Variants in CNDP1 observed in about 807,000 individuals in gnomAD.
The protein encoded by CNDP1 is carnosine dipeptidase 1.
Under a neutral mutation model 58.1 loss-of-function variants are expected in CNDP1, and 44 were observed. That is an observed-to-expected ratio of 0.76 (90% CI 0.60 to 0.97). The LOEUF is 0.97. Ranked by LOEUF, CNDP1 falls within the 50% of genes least tolerant of loss-of-function variation. The pLI is 0.00. For missense variants in CNDP1, 616 were observed against 655.1 expected (o/e 0.94, Z 0.65); for synonymous variants, 254 against 252.6 (o/e 1.01, Z -0.05).
chr18:74,557,727 G>T (rs764836548), intron 2 of CNDP1, among the ~76,000 whole-genome samples: 1 of 152,218 alleles, frequency 6.6e-6, no homozygotes, highest in Non-Finnish European at 1.5e-5. Flanking sequence ...CCCACATCAT[G>T]TCTGGCACAG....
rs1021128172 is a variant in CNDP1, at chr18:74,556,950, C to A, written c.153+484C>A. Among the ~76,000 whole-genome samples, 3 of 152,256 alleles carry A rather than the reference C, an allele frequency of 2.0e-5. No homozygotes were observed. The East Asian group carries it at 5.8e-4, about 29-fold the overall frequency. ...ATTTGTTTTGAGACAGAGTCTCGCTCTGTCACCCAGGCTTGAGTGCAGTGG... is the reference window on the plus strand; with the variant it reads ...ATTTGTTTTGAGACAGAGTCTCGCTATGTCACCCAGGCTTGAGTGCAGTGG... On this transcript the variant is annotated intron_variant, in intron 2 of 11. Coordinates refer to ENST00000358821, the MANE Select transcript of CNDP1 (RefSeq NM_032649.6).
At chr18:74,575,364 T>C (rs1193982430) in intron 7 of CNDP1, among the ~76,000 whole-genome samples, 1 of 152,214 alleles carries the variant, frequency 6.6e-6, no homozygotes, top group Non-Finnish European at 1.5e-5. Context: ...CGCAGAAGAC[T>C]GTCAGCAGAA....
intron 4 of CNDP1, 116 bp downstream of exon 4, chr18:74,561,134 G>A (rs2144656978): frequency 1.5e-6 from 2 of 1,298,354 alleles, no homozygotes; most frequent in Middle Eastern, 5.6e-4. Flanking sequence ...GAATGCATAG[G>A]CCGGGTGCGG....
At chr18:74,549,978 C>T (rs968283677) in intron 1 of CNDP1, among the ~76,000 whole-genome samples, 12 of 152,186 alleles carry the variant, frequency 7.9e-5, no homozygotes, top group Non-Finnish European at 1.8e-4. Context: ...CCAGCCTCTA[C>T]CTAGATTTCA....
intron 6 of CNDP1, 31 bp from the exon 7 acceptor site, chr18:74,571,155 G>T: frequency 6.9e-7 from 1 of 1,447,638 alleles, no homozygotes; most frequent in Non-Finnish European, 9.7e-7. Flanking sequence ...AAGGCAGGAA[G>T]TATATCTCTT....
At chr18:74,580,057 AT>A (rs748165520) in intron 9 of CNDP1, 72 bp from the exon 10 acceptor site, 172 of 1,364,832 alleles carry the variant, frequency 1.3e-4, no homozygotes, top group Middle Eastern at 5.4e-4. Flanking sequence ...CAGTTTCTTG[AT>A]GGAAGACTAT....
intron 1 of CNDP1, among the ~76,000 whole-genome samples, chr18:74,543,147 A>G (rs1396092124): frequency 6.6e-6 from 1 of 152,250 alleles, no homozygotes; most frequent in Non-Finnish European, 1.5e-5. Context: ...ACTAACACCC[A>G]TATTAAAGAA....
intron 1 of CNDP1, among the ~76,000 whole-genome samples, chr18:74,546,478 G>A (rs1318296271): frequency 1.3e-5 from 2 of 152,112 alleles, no homozygotes; most frequent in Non-Finnish European, 2.9e-5. Context: ...GGGCTGTGAC[G>A]TGCCAGATGC....
At position 74,553,067 on chromosome 18, in the gene CNDP1, C is replaced by T. The variant is rs561415986; in HGVS notation, c.25-3271C>T. On this transcript the variant is annotated intron_variant, in intron 1 of 11. Transcript: ENST00000358821. The stretch of plus-strand genomic sequence containing the variant: ...CCTAAACTTTCCATGTGTTTATTGG[C>T]CATTTGCATATTTTCTTTGAGGAAA... Among the ~76,000 whole-genome samples the T allele has an allele frequency of 6.6e-5, 10 of 152,290 alleles. No individual in the cohort carries two copies. The East Asian group carries it at 1.9e-3, about 29-fold the overall frequency.
chr18:74,573,890 A>G (rs1427032913), intron 7 of CNDP1, among the ~76,000 whole-genome samples: 1 of 89,792 alleles, frequency 1.1e-5, no homozygotes, highest in African/African-American at 5.7e-5. Flanking sequence ...AGTTCTTGAT[A>G]CAAATCAAAT....
intron 6 of CNDP1, among the ~76,000 whole-genome samples, chr18:74,567,884 C>T (rs534245761): frequency 1.4e-4 from 22 of 152,144 alleles, no homozygotes; most frequent in Non-Finnish European, 2.4e-4. Context: ...TGGTGTCGCC[C>T]GAGGCCAGCA....
At chr18:74,583,841 A>T in intron 11 of CNDP1, 133 bp downstream of exon 11, 1 of 877,708 alleles carries the variant, frequency 1.1e-6, no homozygotes, top group South Asian at 1.6e-5. Context: ...TAAAGAACAG[A>T]CATTCATTCC....
chr18:74,542,173 C>T (rs1373608020), intron 1 of CNDP1, among the ~76,000 whole-genome samples: 1 of 152,216 alleles, frequency 6.6e-6, no homozygotes, highest in Non-Finnish European at 1.5e-5. Flanking sequence ...GAGGTGTGCG[C>T]AGGAGCACTG....
rs1373520722 is a variant in CNDP1 at position 74,545,778 on chromosome 18, C to G, written c.25-10560C>G. On this transcript the variant is annotated intron_variant, in intron 1 of 11. Transcript: ENST00000358821. The surrounding 1 kb of genome is among the most constrained non-coding windows in gnomAD (Gnocchi z 4.1). ...CCTATCGACACTTTTACACAAAAATCACTCAAATGAGATTTAAAGGAAGAA... is the reference window on the plus strand; with the variant it reads ...CCTATCGACACTTTTACACAAAAATGACTCAAATGAGATTTAAAGGAAGAA... 6.6e-6 allele frequency among the ~76,000 whole-genome samples: 1 copy of G among 152,180 alleles called. No homozygotes were observed. The highest frequency in any genetic ancestry group is 1.5e-5 in the Non-Finnish European group (1 of 68,036).
chr18:74,584,096 G>A (rs1015009894), intron 11 of CNDP1: 2 of 287,358 alleles, frequency 7.0e-6, no homozygotes, highest in Non-Finnish European at 1.3e-5. Context: ...TTCAACACAG[G>A]ACTTTGAGGA....
At chr18:74,566,903 A>G (rs924358088) in intron 5 of CNDP1, among the ~76,000 whole-genome samples, 33 of 152,224 alleles carry the variant, frequency 2.2e-4, no homozygotes, top group Admixed American at 7.9e-4. Context: ...GACTGGGAAG[A>G]AAAAGAGGTT....
At chr18:74,562,454 T>C (rs905027370) in intron 5 of CNDP1, among the ~76,000 whole-genome samples, 3 of 152,368 alleles carry the variant, frequency 2.0e-5, no homozygotes, top group Admixed American at 2.0e-4. Context: ...TGCTATCTGA[T>C]GGGACTGGTC....
intron 5 of CNDP1, among the ~76,000 whole-genome samples, chr18:74,563,900 C>A (rs531378742): frequency 2.9e-4 from 44 of 152,314 alleles, no homozygotes; most frequent in African/African-American, 9.9e-4. Flanking sequence ...CCAGAAAATT[C>A]TTAGGATTTC....
At chr18:74,576,821 T>C (rs1193346776) in intron 7 of CNDP1, 48 bp from the exon 8 acceptor site, 2 of 1,550,258 alleles carry the variant, frequency 1.3e-6, no homozygotes, top group Non-Finnish European at 8.7e-7. Flanking sequence ...ACCACAACAT[T>C]GGCACACTCC....
Sources: gnomAD v4.1 joint callset for allele counts (sites outside exome capture counted in the v4.1 genomes callset) on GRCh38, gnomAD v4.1.1 for gene constraint, Gnocchi (gnomAD v3.1) non-coding constraint, MANE v1.5 for transcripts, NCBI Gene and HGNC (gene_info 2026-07-23, HGNC 2026-07-21) for gene names.